The following TASP1 variants were observed in gnomAD, a reference collection of about 807,000 sequenced individuals.
TASP1 encodes the protein taspase 1.
A neutral mutation model predicts 56.6 loss-of-function variants in TASP1; 16 were observed. The ratio of observed to expected loss-of-function variants is 0.28; its 90% CI spans 0.19 to 0.43. TASP1 has a LOEUF of 0.43. TASP1 is among the 20% of genes least tolerant of loss of function. The pLI is 1.00. For missense variants in TASP1, 393 were observed against 511.6 expected (o/e 0.77, Z 2.24); for synonymous variants, 179 against 184.2 (o/e 0.97, Z 0.23).
chr20:13,268,200 T>C, the TASP1 span, among the ~76,000 whole-genome samples: 1 of 151,442 alleles, frequency 6.6e-6, no homozygotes, highest in East Asian at 1.9e-4. Context: ...ACTTCGCTTC[T>C]CTTCTCTCTT....
At chr20:13,314,853 T>A in the TASP1 span, among the ~76,000 whole-genome samples, 1 of 152,108 alleles carries the variant, frequency 6.6e-6, no homozygotes, top group East Asian at 1.9e-4. Flanking sequence ...GCATGTATGC[T>A]TATGTATAAG....
At chr20:13,563,509 C>T (rs1023676067) in intron 7 of TASP1, among the ~76,000 whole-genome samples, 25 of 152,014 alleles carry the variant, frequency 1.6e-4, no homozygotes, top group Non-Finnish European at 5.9e-5. Context: ...TGCAAAATTC[C>T]TCAACAAAAT....
the TASP1 span, chr20:13,368,525 T>C: frequency 6.6e-6 from 1 of 152,154 alleles, no homozygotes; most frequent in Non-Finnish European, 1.5e-5. Flanking sequence ...CAGCCATGAG[T>C]TGAGGGCTGC....
At chr20:13,188,605 T>A in the TASP1 span, among the ~76,000 whole-genome samples, 1 of 152,146 alleles carries the variant, frequency 6.6e-6, no homozygotes, top group African/African-American at 2.4e-5. Flanking sequence ...ATAACCATAC[T>A]ATCCAAAGCA....
the TASP1 span, among the ~76,000 whole-genome samples, chr20:13,163,961 T>A: frequency 6.6e-6 from 1 of 152,268 alleles, no homozygotes; most frequent in African/African-American, 2.4e-5. Flanking sequence ...CGTGCAGGTT[T>A]GTTACATATG....
At chr20:13,264,172 G>C in the TASP1 span, among the ~76,000 whole-genome samples, 1 of 152,162 alleles carries the variant, frequency 6.6e-6, no homozygotes, top group Non-Finnish European at 1.5e-5. Context: ...TGAAGACAGG[G>C]CCTGTTCTTT....
intron 7 of TASP1, among the ~76,000 whole-genome samples, chr20:13,562,689 C>T (rs1432084971): frequency 2.0e-5 from 3 of 151,504 alleles, no homozygotes; most frequent in African/African-American, 7.3e-5. Flanking sequence ...CCAGCCTGGG[C>T]AACATGGTGA....
chr20:13,235,712 C>T, the TASP1 span, among the ~76,000 whole-genome samples: 3 of 152,148 alleles, frequency 2.0e-5, no homozygotes, highest in South Asian at 6.2e-4. Flanking sequence ...AATGGTTGTC[C>T]TTTCACTGCT....
At chr20:13,531,633 A>G (rs1010127376) in intron 9 of TASP1, among the ~76,000 whole-genome samples, 1 of 151,852 alleles carries the variant, frequency 6.6e-6, no homozygotes, top group African/African-American at 2.4e-5. Context: ...CTGGGATTAC[A>G]GGTGTCAGCC....
At chr20:13,110,335 C>A in the TASP1 span, 1 of 823,512 alleles carries the variant, frequency 1.2e-6, no homozygotes, top group Non-Finnish European at 1.9e-6. Flanking sequence ...TTATATGACA[C>A]AGGGACCTGA....
At chr20:13,329,700 C>T in the TASP1 span, among the ~76,000 whole-genome samples, 1 of 152,186 alleles carries the variant, frequency 6.6e-6, no homozygotes, top group East Asian at 1.9e-4. Flanking sequence ...TCTACATAAA[C>T]AATCATGTCA....
rs2043808513 is a variant in TASP1, at chr20:13,498,331, T to TGTGTG, written c.875-14995_875-14994insCACAC. ...ATGAACAAACACTTTTTCTTTTCTT[T>TGTGTG]TGTGTGTGTGTGTGTGTGTGTGTGT... On this transcript the variant is annotated intron_variant, in intron 10 of 13. Transcript: ENST00000337743. Among the ~76,000 whole-genome samples, 333 of 135,106 alleles carry TGTGTG rather than the reference T, an allele frequency of 2.5e-3. 1 individual carries two copies. The highest frequency in any genetic ancestry group is 3.8e-3 in the Non-Finnish European group (245 of 64,074). The allele number at this position is 135,106 out of a possible 152,430, so 88.6% of individuals were successfully genotyped here.
At chr20:13,448,529 G>A (rs1356389445) in intron 11 of TASP1, among the ~76,000 whole-genome samples, 1 of 151,982 alleles carries the variant, frequency 6.6e-6, no homozygotes, top group Non-Finnish European at 1.5e-5. Context: ...ATTTTCCCAG[G>A]AAAGCCTAAA....
intron 11 of TASP1, among the ~76,000 whole-genome samples, chr20:13,448,956 C>A (rs751227917): frequency 4.6e-5 from 7 of 151,876 alleles, no homozygotes; most frequent in African/African-American, 1.7e-4. Context: ...GTAAAAACAC[C>A]CAGGATTGGT....
the TASP1 span, among the ~76,000 whole-genome samples, chr20:13,212,593 G>A: frequency 6.6e-6 from 1 of 151,966 alleles, no homozygotes; most frequent in Non-Finnish European, 1.5e-5. Context: ...TTAATTATTT[G>A]GCTTTCATGG....
intron 8 of TASP1, among the ~76,000 whole-genome samples, chr20:13,558,470 A>G (rs1327231551): frequency 6.6e-6 from 1 of 152,210 alleles, no homozygotes; most frequent in Non-Finnish European, 1.5e-5. Flanking sequence ...AGAAATTAAA[A>G]TGAGTCAAGG....
At chr20:13,292,359 CTT>C in the TASP1 span, 1 of 1,554,866 alleles carries the variant, frequency 6.4e-7, no homozygotes, top group Admixed American at 1.8e-5. Context: ...AAAATGAGCT[CTT>C]GTCTGTGTTT....
intron 9 of TASP1, among the ~76,000 whole-genome samples, chr20:13,532,252 G>C (rs2045250972): frequency 6.6e-6 from 1 of 152,168 alleles, no homozygotes; most frequent in Non-Finnish European, 1.5e-5. Context: ...ATCTACAGCA[G>C]GGTAATATGC....
the TASP1 span, chr20:13,292,311 TG>T: frequency 1.0e-6 from 1 of 964,334 alleles, no homozygotes; most frequent in South Asian, 1.5e-5. Context: ...TTTTTATTGT[TG>T]GGGTGGGGGA....
Sources: gnomAD v4.1 joint callset for allele counts (sites outside exome capture counted in the v4.1 genomes callset) on GRCh38, gnomAD v4.1.1 for gene constraint, MANE v1.5 for transcripts, NCBI Gene and HGNC (gene_info 2026-07-23, HGNC 2026-07-21) for gene names.